FUT8: variants seen among roughly 807,000 people sequenced by gnomAD.
The protein encoded by FUT8 is fucosyltransferase 8, also known as alpha-(1,6)-fucosyltransferase.
A neutral mutation model predicts 71.3 loss-of-function variants in FUT8; 29 were observed. The ratio of observed to expected loss-of-function variants is 0.41; its 90% CI spans 0.30 to 0.55. The LOEUF (loss-of-function observed/expected upper bound fraction) is 0.55. FUT8 is among the 20% of genes least tolerant of loss of function. The pLI is 0.34. For missense variants in FUT8, 544 were observed against 702.1 expected, an observed-to-expected ratio of 0.77 and a Z score of 2.55; for synonymous variants, 254 against 239.3, an observed-to-expected ratio of 1.06 and a Z score of -0.57.
intron 2 of FUT8, among the ~76,000 whole-genome samples, chr14:65,544,069 A>G (rs1468132690): frequency 6.6e-6 from 1 of 152,082 alleles, no homozygotes; most frequent in Non-Finnish European, 1.5e-5. Flanking sequence ...AATTGATACT[A>G]GTTGTCAGGG....
chr14:65,722,160 A>G (rs1895450244), intron 8 of FUT8, 139 bp downstream of exon 8: 6 of 1,116,270 alleles, frequency 5.4e-6, no homozygotes, highest in Non-Finnish European at 5.0e-6. Context: ...GAGCTATCCT[A>G]AGGTCACATG....
chr14:65,528,016 A>G (rs1223739854), intron 2 of FUT8, among the ~76,000 whole-genome samples: 3 of 152,216 alleles, frequency 2.0e-5, no homozygotes, highest in African/African-American at 7.2e-5. Context: ...TTGAGGAGGC[A>G]GTGTGTCCGT....
rs565364743 is a variant in FUT8 at position 65,642,535 on chromosome 14, G to A, written c.597+12929G>A. On this transcript the variant is annotated intron_variant, in intron 6 of 10. Coordinates refer to ENST00000673929, the MANE Select transcript of FUT8 (RefSeq NM_001371533.1). Reference sequence around the variant, plus strand: ...GGAGAATCTCTTGAACCCAGGAGGCGGAGGCTGCAGTGAGCCAAGATGGTG... The same window carrying A: ...GGAGAATCTCTTGAACCCAGGAGGCAGAGGCTGCAGTGAGCCAAGATGGTG... 1.7e-3 allele frequency among the ~76,000 whole-genome samples: 253 copies of A among 151,120 alleles called. 3 individuals carry two copies. Among genetic ancestry groups the A allele is most frequent in the Non-Finnish European group, 2.7e-3 (186 of 67,838 alleles).
chr14:65,638,206 C>CT lies in FUT8; in HGVS notation c.597+8601dup, dbSNP rs1473306861. Among the ~76,000 whole-genome samples the CT allele has an allele frequency of 2.0e-5, 3 of 152,160 alleles. No individual in the cohort carries two copies. Among genetic ancestry groups the CT allele is most frequent in the African/African-American group, 7.2e-5 (3 of 41,438 alleles). ...GTCCTTCTCCCAAGACCCTCCGTCTCTATCTGCCTAACCAGCCCCTAACTG... is the reference window on the plus strand; with the variant it reads ...GTCCTTCTCCCAAGACCCTCCGTCTCTTATCTGCCTAACCAGCCCCTAACTG... On this transcript the variant is annotated intron_variant, in intron 6 of 10. Transcript: ENST00000673929. This position sits in a 1 kb window ranked among gnomAD's most constrained non-coding sequence, Gnocchi z 4.5.
intron 2 of FUT8, among the ~76,000 whole-genome samples, chr14:65,498,961 TAA>T (rs1474960492): frequency 1.3e-5 from 2 of 152,192 alleles, no homozygotes; most frequent in Admixed American, 6.5e-5. Flanking sequence ...GTAGTGGTGG[TAA>T]TGGTTGTGGA....
chr14:65,551,259 C>G (rs188597085), intron 2 of FUT8, among the ~76,000 whole-genome samples: 46 of 152,182 alleles, frequency 3.0e-4, no homozygotes, highest in African/African-American at 1.1e-3. Context: ...CAGTCATATG[C>G]CAAATGTGGC....
chr14:65,625,249 G>C (rs1364181838), intron 5 of FUT8, among the ~76,000 whole-genome samples: 3 of 151,918 alleles, frequency 2.0e-5, no homozygotes, highest in African/African-American at 7.3e-5. Flanking sequence ...ATGAAACTGA[G>C]AATATGTTTT....
Position 65,559,214 on chromosome 14 carries a change from T to G in FUT8, c.-227-2123T>G, listed in dbSNP as rs1327003794. On this transcript the variant is annotated intron_variant, in intron 2 of 10. Transcript: ENST00000673929. Reference sequence around the variant, plus strand: ...TTTGGTTGTTTATCTCAGTTGTCTGTTTTCTGCGTTACTTTTGCAGTGAAG... The same window carrying G: ...TTTGGTTGTTTATCTCAGTTGTCTGGTTTCTGCGTTACTTTTGCAGTGAAG... 2.0e-5 allele frequency among the ~76,000 whole-genome samples: 3 copies of G among 152,170 alleles called. No individual in the cohort carries two copies. The East Asian group carries it at 5.8e-4, about 29-fold the overall frequency.
intron 2 of FUT8, among the ~76,000 whole-genome samples, chr14:65,559,313 C>T (rs1206429529): frequency 6.6e-6 from 1 of 152,016 alleles, no homozygotes; most frequent in African/African-American, 2.4e-5. Flanking sequence ...CTTGATTCAG[C>T]CAACTACAGA....
intron 6 of FUT8, among the ~76,000 whole-genome samples, chr14:65,658,080 T>C (rs1339848412): frequency 1.3e-5 from 2 of 152,154 alleles, no homozygotes; most frequent in Non-Finnish European, 2.9e-5. Context: ...AACGAAGGCA[T>C]GTATAGACAA....
At chr14:65,714,419 TTTTATTTATTTATTTATTTATTTATTTA>T (rs55846929) in intron 7 of FUT8, among the ~76,000 whole-genome samples, 1 of 145,418 alleles carries the variant, frequency 6.9e-6, no homozygotes, top group Non-Finnish European at 1.5e-5. Context: ...TCCATATAAA[TTTTATTTATTTATTTATTTATTTATTTA>T]TTTATTTATT....
chr14:65,721,713 G>T (rs935196290), intron 7 of FUT8, 62 bp from the exon 8 acceptor site: 1 of 1,534,872 alleles, frequency 6.5e-7, no homozygotes, highest in Non-Finnish European at 9.0e-7. Context: ...ATAAGTTCTT[G>T]TTGAATGGTG....
In FUT8 at chr14:65,467,750, A is replaced by C. The variant is rs545235870; in HGVS notation, c.-228+12032A>C. On this transcript the variant is annotated intron_variant, in intron 2 of 10. Transcript: ENST00000673929. The surrounding 1 kb of genome is among the most constrained non-coding windows in gnomAD (Gnocchi z 4.1). ...CAGCCTCCCAAAGTGCTGGGATTAC[A>C]GGTGTGAGCCACCGTGCCCAGCCAG... 2 of 552,200 alleles carry C rather than the reference A, an allele frequency of 3.6e-6. No homozygotes were observed. Among genetic ancestry groups the C allele is most frequent in the South Asian group, 1.8e-5 (1 of 56,916 alleles). 34.2% of individuals were successfully genotyped at this position (552,200 alleles called of 1,614,324 possible).
At chr14:65,416,932 T>C (rs1350083609) in intron 1 of FUT8, among the ~76,000 whole-genome samples, 1 of 151,944 alleles carries the variant, frequency 6.6e-6, no homozygotes, top group Non-Finnish European at 1.5e-5. Context: ...TATGGGTGCA[T>C]GCCACCATGC....
intron 2 of FUT8, among the ~76,000 whole-genome samples, chr14:65,481,500 A>G (rs1002302439): frequency 6.6e-6 from 1 of 152,088 alleles, no homozygotes; most frequent in Admixed American, 6.5e-5. Flanking sequence ...AAAATACTGC[A>G]CACATCTGAA....
At position 65,467,398 on chromosome 14, in the gene FUT8, A is replaced by C. The variant is rs1433973129; in HGVS notation, c.-228+11680A>C. ...CTGCAACCACTGCCTCCCGGGTTCA[A>C]GCGATTCTCCTGCCTCAGCCTCCTA... On this transcript the variant is annotated intron_variant, in intron 2 of 10. Transcript: ENST00000673929. This position sits in a 1 kb window ranked among gnomAD's most constrained non-coding sequence, Gnocchi z 4.1. Among the ~76,000 whole-genome samples, 1 of 152,122 alleles carries C rather than the reference A, an allele frequency of 6.6e-6. No individual in the cohort carries two copies. The highest frequency in any genetic ancestry group is 2.4e-5 in the African/African-American group (1 of 41,402).
chr14:65,462,088 A>G (rs1011501626), intron 2 of FUT8, among the ~76,000 whole-genome samples: 1 of 152,186 alleles, frequency 6.6e-6, no homozygotes, highest in African/African-American at 2.4e-5. Flanking sequence ...TCTTTAAGAC[A>G]TTTCTAGTTC....
chr14:65,716,245 G>C (rs1895052583), intron 7 of FUT8, among the ~76,000 whole-genome samples: 1 of 151,914 alleles, frequency 6.6e-6, no homozygotes, highest in African/African-American at 2.4e-5. Flanking sequence ...TATTATATTG[G>C]GGTCTACCTC....
chr14:65,478,248 G>GC (rs1490126914), intron 2 of FUT8, among the ~76,000 whole-genome samples: 2 of 151,924 alleles, frequency 1.3e-5, no homozygotes, highest in African/African-American at 4.8e-5. Context: ...AGTCCCCAAG[G>GC]CCCCCCAGTG....
Sources: gnomAD v4.1 joint callset for allele counts (sites outside exome capture counted in the v4.1 genomes callset) on GRCh38, gnomAD v4.1.1 for gene constraint, Gnocchi (gnomAD v3.1) non-coding constraint, MANE v1.5 for transcripts, NCBI Gene and HGNC (gene_info 2026-07-23, HGNC 2026-07-21) for gene names.